HPSE2: variants seen among roughly 807,000 people sequenced by gnomAD.
HPSE2 encodes inactive heparanase-2.
Under a neutral mutation model 60.5 loss-of-function variants are expected in HPSE2, and 38 were observed. That is an observed-to-expected ratio of 0.63 (90% confidence interval 0.48 to 0.82). HPSE2 has a LOEUF of 0.82. Among genes scored for constraint, HPSE2 ranks in the 40% least tolerant of loss-of-function variants. The pLI is 0.00. For missense variants in HPSE2, 713 were observed against 740.4 expected (o/e 0.96, Z 0.43); for synonymous variants, 295 against 293.2 (o/e 1.01, Z -0.06).
chr10:99,246,778 G>A, the HPSE2 span, among the ~76,000 whole-genome samples: 28 of 151,856 alleles, frequency 1.8e-4, no homozygotes, highest in Admixed American at 1.6e-3. Context: ...ATATATAGAA[G>A]CCTATTACTT....
At chr10:98,982,356 CAGAT>C (rs1369675461) in intron 3 of HPSE2, among the ~76,000 whole-genome samples, 2 of 152,204 alleles carry the variant, frequency 1.3e-5, no homozygotes, top group South Asian at 2.1e-4. Flanking sequence ...CACAATAAAA[CAGAT>C]GGAAGATCTA....
intron 9 of HPSE2, among the ~76,000 whole-genome samples, chr10:98,508,904 T>A (rs544616546): frequency 1.3e-5 from 2 of 152,322 alleles, no homozygotes; most frequent in African/African-American, 4.8e-5. Context: ...TCAGAATTCA[T>A]CTTACAATAA....
rs987569623 is a variant in HPSE2, at chr10:98,639,755, T to G, written c.1098+2092A>C. ...GGAAAGAACCTAACTTCCAACACCT[T>G]TGTCTTAGTTCTAACCTACAGCCAC... On this transcript the variant is annotated intron_variant, in intron 7 of 11. Transcript: ENST00000370552. 2.0e-5 allele frequency among the ~76,000 whole-genome samples: 3 copies of G among 152,220 alleles called. No homozygotes were observed. The South Asian group carries it at 6.2e-4, about 32-fold the overall frequency.
chr10:99,255,076 A>G, the HPSE2 span, among the ~76,000 whole-genome samples: 2 of 152,198 alleles, frequency 1.3e-5, no homozygotes, highest in African/African-American at 4.8e-5. Flanking sequence ...TATATATTTT[A>G]TCTCAATAAG....
intron 3 of HPSE2, among the ~76,000 whole-genome samples, chr10:98,960,732 T>A (rs1955647845): frequency 1.6e-4 from 8 of 51,394 alleles, no homozygotes; most frequent in African/African-American, 6.5e-4. Context: ...TTTTATTTTT[T>A]TTATTTTATT....
At chr10:98,926,263 C>A (rs1191417367) in intron 3 of HPSE2, among the ~76,000 whole-genome samples, 1 of 151,756 alleles carries the variant, frequency 6.6e-6, no homozygotes. Context: ...TGGTGCTGAA[C>A]CAGTGGGAGG....
chr10:99,212,024 C>G (rs1406848036), intron 2 of HPSE2, among the ~76,000 whole-genome samples: 2 of 151,900 alleles, frequency 1.3e-5, no homozygotes, highest in Non-Finnish European at 2.9e-5. Context: ...TTTAAATGGG[C>G]AAAGTCATTT....
chr10:98,874,171 TG>T (rs1377816577), intron 3 of HPSE2, among the ~76,000 whole-genome samples: 7 of 129,398 alleles, frequency 5.4e-5, no homozygotes, highest in Non-Finnish European at 9.3e-5. Context: ...TTCACTCTGA[TG>T]TTTTTTTTTT....
At chr10:99,133,036 G>A (rs550810239) in intron 3 of HPSE2, among the ~76,000 whole-genome samples, 19 of 152,182 alleles carry the variant, frequency 1.2e-4, no homozygotes, top group Non-Finnish European at 2.8e-4. Context: ...GATTGACCTG[G>A]GATGCATGAG....
the HPSE2 span, among the ~76,000 whole-genome samples, chr10:99,262,606 T>C: frequency 2.2e-3 from 336 of 152,274 alleles, 1 homozygote; most frequent in Middle Eastern, 0.01. Flanking sequence ...TTTAAAAGGA[T>C]TAAAGCCTGT....
At chr10:99,272,823 T>G in the HPSE2 span, among the ~76,000 whole-genome samples, 1 of 152,132 alleles carries the variant, frequency 6.6e-6, no homozygotes, top group Non-Finnish European at 1.5e-5. Flanking sequence ...ACACTGCTGG[T>G]GGGAAAGTAA....
At chr10:98,921,299 A>C (rs564939340) in intron 3 of HPSE2, among the ~76,000 whole-genome samples, 1 of 152,282 alleles carries the variant, frequency 6.6e-6, no homozygotes, top group South Asian at 2.1e-4. Flanking sequence ...TGCTCTGAGA[A>C]TAAATGGAGT....
At chr10:99,203,728 C>T (rs563627507) in intron 2 of HPSE2, among the ~76,000 whole-genome samples, 10 of 152,146 alleles carry the variant, frequency 6.6e-5, no homozygotes, top group South Asian at 6.2e-4. Context: ...AACCAACCGC[C>T]AGGCTGGCCC....
At chr10:99,232,635 A>G in intron 1 of HPSE2, 130 bp from the exon 2 acceptor site, 1 of 1,063,798 alleles carries the variant, frequency 9.4e-7, no homozygotes. Flanking sequence ...TGCCTGCCCC[A>G]GCCGGCAGTC....
At chr10:98,539,721 A>T (rs1943400119) in intron 9 of HPSE2, among the ~76,000 whole-genome samples, 1 of 145,842 alleles carries the variant, frequency 6.9e-6, no homozygotes, top group African/African-American at 2.6e-5. Context: ...ATCTTTCTTC[A>T]CTCTCCCTCT....
chr10:98,506,612 A>C (rs928998763), intron 9 of HPSE2, among the ~76,000 whole-genome samples: 1 of 152,114 alleles, frequency 6.6e-6, no homozygotes, highest in African/African-American at 2.4e-5. Flanking sequence ...GTGCACCACT[A>C]TACCCAGCTA....
intron 3 of HPSE2, among the ~76,000 whole-genome samples, chr10:99,046,209 TA>T (rs140556256): frequency 0.014 from 2,183 of 152,146 alleles, 47 homozygotes; most frequent in African/African-American, 0.049. Context: ...TTCACCACAT[TA>T]ACAGAATTAA....
intron 6 of HPSE2, among the ~76,000 whole-genome samples, chr10:98,669,588 T>C (rs761670580): frequency 1.3e-5 from 2 of 152,212 alleles, no homozygotes; most frequent in Non-Finnish European, 2.9e-5. Flanking sequence ...AACATGGATG[T>C]AGTTTGAGGT....
chr10:98,802,396 T>C (rs916364492), intron 3 of HPSE2, among the ~76,000 whole-genome samples: 1 of 151,676 alleles, frequency 6.6e-6, no homozygotes, highest in South Asian at 2.1e-4. Context: ...TGTATACATG[T>C]GCCATGCTGG....
Sources: allele counts gnomAD v4.1 joint callset (sites outside exome capture counted in the v4.1 genomes callset), GRCh38; gene constraint gnomAD v4.1.1; transcripts MANE v1.5; gene names NCBI Gene and HGNC (gene_info 2026-07-23, HGNC 2026-07-21).